The following EPB41L4B variants were observed in gnomAD, a reference collection of about 807,000 sequenced individuals.
The protein encoded by EPB41L4B is band 4.1-like protein 4B.
In EPB41L4B, 30 loss-of-function variants were observed where a neutral mutation model predicts 112.5. The ratio of observed to expected loss-of-function variants is 0.27; its 90% CI spans 0.20 to 0.36. The LOEUF is 0.36. Ranked by LOEUF, EPB41L4B falls within the 10% of genes least tolerant of loss-of-function variation. EPB41L4B has a pLI of 1.00. For synonymous variants in EPB41L4B, 408 were observed against 439.7 expected, an observed-to-expected ratio of 0.93 and a Z score of 0.90; for missense variants, 1,024 against 1,133.3, an observed-to-expected ratio of 0.90 and a Z score of 1.38.
chr9:109,269,243 A>T (rs1588191597), intron 2 of EPB41L4B, among the ~76,000 whole-genome samples: 1 of 152,236 alleles, frequency 6.6e-6, no homozygotes, highest in East Asian at 1.9e-4. Flanking sequence ...AATGAGCCAC[A>T]CGGCAAATGC....
intron 24 of EPB41L4B, among the ~76,000 whole-genome samples, chr9:109,181,572 C>T (rs1380680762): frequency 2.0e-5 from 3 of 152,180 alleles, no homozygotes; most frequent in Non-Finnish European, 2.9e-5. Flanking sequence ...CATGGTGGCT[C>T]ATGCCTGTAA....
intron 11 of EPB41L4B, 91 bp downstream of exon 11, chr9:109,255,419 CT>C (rs1422148992): frequency 1.1e-5 from 16 of 1,474,278 alleles, no homozygotes; most frequent in Non-Finnish European, 1.5e-5. Flanking sequence ...AGTTTCTGGA[CT>C]CAAATCCACT....
intron 25 of EPB41L4B, among the ~76,000 whole-genome samples, chr9:109,175,083 AT>A (rs1240491083): frequency 6.6e-6 from 1 of 151,582 alleles, no homozygotes; most frequent in Non-Finnish European, 1.5e-5. Context: ...TGCCAAGCTA[AT>A]TTTTTGTATT....
At chr9:109,297,001 G>A (rs1406034645) in intron 1 of EPB41L4B, among the ~76,000 whole-genome samples, 1 of 152,120 alleles carries the variant, frequency 6.6e-6, no homozygotes, top group South Asian at 2.1e-4. Context: ...CGGTACCTTG[G>A]AATGTGATTG....
In EPB41L4B at chr9:109,308,937, G is replaced by T. The variant is rs373740882; in HGVS notation, c.306+11204C>A. Among the ~76,000 whole-genome samples the T allele has an allele frequency of 5.3e-5, 8 of 151,796 alleles. No homozygotes were observed. In the South Asian group the frequency reaches 1.7e-3, roughly 32 times the overall value. On this transcript the variant is annotated intron_variant, in intron 1 of 25. Transcript: ENST00000374566. Reference sequence around the variant, plus strand: ...TACTAAAAATACAAAAAATTAGCGCGTGGTGGCGCATGCCTGTAATCCCAG... The same window carrying T: ...TACTAAAAATACAAAAAATTAGCGCTTGGTGGCGCATGCCTGTAATCCCAG...
intron 1 of EPB41L4B, among the ~76,000 whole-genome samples, chr9:109,311,329 G>A (rs900071002): frequency 6.6e-6 from 1 of 152,192 alleles, no homozygotes; most frequent in Non-Finnish European, 1.5e-5. Flanking sequence ...CGAATGCTAT[G>A]CTGCAGACAA....
chr9:109,264,086 ACTCAT>A (rs984815413), intron 5 of EPB41L4B, among the ~76,000 whole-genome samples: 3 of 152,074 alleles, frequency 2.0e-5, no homozygotes, highest in African/African-American at 7.2e-5. Flanking sequence ...AAGTACACAC[ACTCAT>A]AATACACACA....
chr9:109,212,091 G>A (rs2078381919), intron 17 of EPB41L4B, among the ~76,000 whole-genome samples: 1 of 152,126 alleles, frequency 6.6e-6, no homozygotes. Context: ...ATAACCCACA[G>A]GTGTCTCAGG....
intron 15 of EPB41L4B, among the ~76,000 whole-genome samples, chr9:109,229,524 C>T (rs909536502): frequency 1.3e-5 from 2 of 152,214 alleles, no homozygotes; most frequent in African/African-American, 4.8e-5. Context: ...TGTGTCTTCA[C>T]TCCAAGTTGG....
intron 1 of EPB41L4B, among the ~76,000 whole-genome samples, chr9:109,301,878 G>A (rs976161486): frequency 5.9e-5 from 9 of 152,222 alleles, no homozygotes; most frequent in Non-Finnish European, 1.2e-4. Flanking sequence ...ACCCCAGCGT[G>A]GGAGACTGAG....
intron 1 of EPB41L4B, among the ~76,000 whole-genome samples, chr9:109,313,885 T>C (rs969270199): frequency 1.3e-5 from 2 of 152,246 alleles, no homozygotes; most frequent in African/African-American, 4.8e-5. Context: ...AACATGTTTA[T>C]ATCTGAATAT....
chr9:109,247,192 T>TTTTTA (rs60381156), intron 14 of EPB41L4B, among the ~76,000 whole-genome samples: 1 of 150,568 alleles, frequency 6.6e-6, no homozygotes, highest in Non-Finnish European at 1.5e-5. Context: ...TTTTTTTTTT[T>TTTTTA]AATCAGGGGC....
chr9:109,317,658 C>T (rs761265080), intron 1 of EPB41L4B, among the ~76,000 whole-genome samples: 7 of 152,238 alleles, frequency 4.6e-5, no homozygotes, highest in Admixed American at 3.9e-4. Context: ...AGGCTAACGC[C>T]GCCTGAGGGT....
At chr9:109,180,994 A>G (rs193101894) in intron 24 of EPB41L4B, among the ~76,000 whole-genome samples, 1,562 of 152,260 alleles carry the variant, frequency 0.01, 29 homozygotes, top group African/African-American at 0.036. Flanking sequence ...AGGAAACTAC[A>G]GGATTTAAAC....
chr9:109,201,751 C>T (rs993630856), intron 19 of EPB41L4B, among the ~76,000 whole-genome samples: 49 of 151,990 alleles, frequency 3.2e-4, no homozygotes, highest in African/African-American at 1.0e-3. Flanking sequence ...AACTACCATC[C>T]GGTGAGGTCT....
Position 109,213,729 on chromosome 9 carries a change from A to T in EPB41L4B, c.1723T>A (p.Trp575Arg). ...TTTATGTTGATGTGCAGAGGAGGCC[A>T]GGGTCCAGCAGCCTTCACAGTTTCC... ...ELETVKAAGPWPPLHININKA... is the reference protein window; with the variant it reads ...ELETVKAAGPRPPLHININKA... Residue 575 changes from tryptophan to arginine, a missense_variant, in exon 17 of 26, where the codon TGG becomes AGG. Physicochemically the swap from Trp to Arg is moderately radical, Grantham distance 101 (BLOSUM62 -3). Coordinates refer to ENST00000374566, the MANE Select transcript of EPB41L4B (RefSeq NM_019114.5). 5 of 1,614,152 alleles carry T rather than the reference A, an allele frequency of 3.1e-6. No individual in the cohort carries two copies. The highest frequency in any genetic ancestry group is 4.2e-6 in the Non-Finnish European group (5 of 1,180,028).
chr9:109,318,494 C>T (rs753418770), intron 1 of EPB41L4B, among the ~76,000 whole-genome samples: 1 of 152,098 alleles, frequency 6.6e-6, no homozygotes, highest in Non-Finnish European at 1.5e-5. Context: ...GAATCATCCC[C>T]AGGGAACAGA....
intron 1 of EPB41L4B, among the ~76,000 whole-genome samples, chr9:109,309,885 C>A (rs924305405): frequency 6.6e-6 from 1 of 152,056 alleles, no homozygotes; most frequent in Admixed American, 6.5e-5. Flanking sequence ...TAAAATCAAA[C>A]AAAGAAGCTG....
intron 15 of EPB41L4B, among the ~76,000 whole-genome samples, chr9:109,223,161 C>G (rs1350620431): frequency 6.6e-6 from 1 of 152,128 alleles, no homozygotes; most frequent in East Asian, 1.9e-4. Flanking sequence ...CATGCTAGGC[C>G]GGGCGCAATG....
Sources: gnomAD v4.1 joint callset for allele counts (sites outside exome capture counted in the v4.1 genomes callset) on GRCh38, gnomAD v4.1.1 for gene constraint, MANE v1.5 for transcripts, NCBI Gene and HGNC (gene_info 2026-07-23, HGNC 2026-07-21) for gene names.